The following CD96 variants were observed in gnomAD, a reference collection of about 807,000 sequenced individuals.
CD96 encodes the protein T-cell surface protein tactile.
In CD96, 70 loss-of-function variants were observed where a neutral mutation model predicts 71.3. That is an observed-to-expected ratio of 0.98 (90% CI 0.81 to 1.20). The LOEUF (loss-of-function observed/expected upper bound fraction) is 1.20, where lower values mean the gene tolerates loss of function less well. Among genes scored for constraint, CD96 ranks in the 50% most tolerant of loss-of-function variants. The pLI is 0.00. For synonymous variants in CD96, 248 were observed against 233.0 expected, an observed-to-expected ratio of 1.06 and a Z score of -0.59; for missense variants, 742 against 677.5, an observed-to-expected ratio of 1.10 and a Z score of -1.06.
chr3:111,629,550 C>T (rs1048247149), intron 10 of CD96, among the ~76,000 whole-genome samples: 1 of 152,170 alleles, frequency 6.6e-6, no homozygotes, highest in Non-Finnish European at 1.5e-5. Context: ...GACTTAGACT[C>T]TCATGCAATA....
At chr3:111,625,889 G>T (rs1938725516) in intron 10 of CD96, among the ~76,000 whole-genome samples, 1 of 152,088 alleles carries the variant, frequency 6.6e-6, no homozygotes, top group South Asian at 2.1e-4. Context: ...ATTGACTAAG[G>T]ATCAAAATTT....
chr3:111,601,238 C>T (rs1162827340), intron 7 of CD96, among the ~76,000 whole-genome samples: 40 of 152,096 alleles, frequency 2.6e-4, no homozygotes, highest in Admixed American at 2.6e-3. Context: ...AAAATTAATA[C>T]TAATACTGAT....
chr3:111,637,262 G>T lies in CD96; in HGVS notation c.1387+1G>T. 1 of 1,529,258 alleles carries T rather than the reference G, an allele frequency of 6.5e-7. No individual in the cohort carries two copies. The highest frequency in any genetic ancestry group is 1.1e-5 in the South Asian group (1 of 89,372). The allele number at this position is 1,529,258 out of a possible 1,614,324, so 94.7% of individuals were successfully genotyped here. A position where few individuals can be genotyped will look rare whatever the true frequency, so the allele number is the denominator to read the frequency against. On this transcript the variant is annotated splice_donor_variant, in intron 11 of 13. Coordinates refer to ENST00000352690, the MANE Select transcript of CD96 (RefSeq NM_005816.5). LOFTEE classifies it high-confidence loss of function. Reference sequence around the variant, plus strand: ...TCAGGTGCAGGCTCAACACTTCATGGTGAGTACTTGGGGAAGATTTAGGGA... The same window carrying T: ...TCAGGTGCAGGCTCAACACTTCATGTTGAGTACTTGGGGAAGATTTAGGGA...
chr3:111,655,785 G>A (rs1940213883), downstream of CD96, among the ~76,000 whole-genome samples: 1 of 151,844 alleles, frequency 6.6e-6, no homozygotes, highest in African/African-American at 2.4e-5. Flanking sequence ...GAGAAAAAGG[G>A]ATATTTTCTT....
intron 3 of CD96, among the ~76,000 whole-genome samples, 199 bp from the exon 4 acceptor site, chr3:111,578,828 G>C (rs1176641336): frequency 6.6e-6 from 1 of 152,218 alleles, no homozygotes; most frequent in African/African-American, 2.4e-5. Context: ...CCATTTGTTA[G>C]GAGAGGGTAA....
intron 12 of CD96, among the ~76,000 whole-genome samples, chr3:111,643,950 T>A (rs1034144677): frequency 3.9e-5 from 6 of 152,288 alleles, no homozygotes; most frequent in Admixed American, 6.5e-5. Flanking sequence ...CCCATCAGAA[T>A]ACCACCATCA....
At chr3:111,613,481 T>C (rs1421926180) in intron 8 of CD96, among the ~76,000 whole-genome samples, 2 of 152,242 alleles carry the variant, frequency 1.3e-5, no homozygotes, top group Admixed American at 6.5e-5. Context: ...TATGCTGGGC[T>C]GAAGGTCAGT....
chr3:111,576,721 A>G (rs1441158200), intron 3 of CD96, among the ~76,000 whole-genome samples: 6 of 152,208 alleles, frequency 3.9e-5, no homozygotes, highest in Non-Finnish European at 8.8e-5. Context: ...AATTCTTAGA[A>G]TATAGTAGGT....
intron 3 of CD96, among the ~76,000 whole-genome samples, chr3:111,576,531 T>C (rs1559730797): frequency 6.6e-6 from 1 of 152,338 alleles, no homozygotes; most frequent in Middle Eastern, 3.4e-3. Flanking sequence ...TATTTTATAG[T>C]TTGGTTCTTA....
chr3:111,555,180 C>G (rs1434029051), intron 2 of CD96, among the ~76,000 whole-genome samples: 1 of 93,096 alleles, frequency 1.1e-5, no homozygotes, highest in East Asian at 2.6e-4. Context: ...CTAAGAACCC[C>G]TGATTTAAAG....
chr3:111,619,421 C>T (rs1938408633), intron 8 of CD96, among the ~76,000 whole-genome samples: 1 of 152,128 alleles, frequency 6.6e-6, no homozygotes, highest in South Asian at 2.1e-4. Flanking sequence ...CATCTTATTT[C>T]CTGGAGACAT....
chr3:111,606,301 A>G (rs987036148), intron 7 of CD96, among the ~76,000 whole-genome samples: 11 of 152,230 alleles, frequency 7.2e-5, no homozygotes, highest in African/African-American at 2.7e-4. Flanking sequence ...TGGATTTTGT[A>G]AACTGCATGA....
chr3:111,555,676 C>A (rs2399392), intron 2 of CD96, among the ~76,000 whole-genome samples: 1 of 152,222 alleles, frequency 6.6e-6, no homozygotes, highest in Non-Finnish European at 1.5e-5. Flanking sequence ...TTTTGGCTTC[C>A]AGAAGTTTGA....
At chr3:111,594,104 TCTC>T (rs757923931) in intron 5 of CD96, 85 of 1,614,036 alleles carry the variant, frequency 5.3e-5, no homozygotes, top group Non-Finnish European at 6.4e-5. Flanking sequence ...GCCAACCAGT[TCTC>T]CTGTCTCACT....
intron 3 of CD96, chr3:111,570,594 G>T (rs1258116709): frequency 6.5e-7 from 1 of 1,528,118 alleles, no homozygotes; most frequent in African/African-American, 1.4e-5. Flanking sequence ...GAAAGCTAAG[G>T]GATCAACAGG....
chr3:111,638,144 A>C lies in CD96; in HGVS notation c.1453A>C (p.Lys485Gln), dbSNP rs746266778. ...CCCCACAACTGCCAATGGATCTACG[A>C]AAACTAATCACGTCCATATCACTGG... ...EVPTTANGST[K>Q]TNHVHITGIV... The change falls in exon 12 of 14, where the codon AAA (lysine) becomes CAA (glutamine). Residue 485 changes from lysine to glutamine, a missense_variant. Physicochemically the swap from Lys to Gln is moderately conservative, Grantham distance 53 (BLOSUM62 1). Coordinates refer to ENST00000352690, the MANE Select transcript of CD96 (RefSeq NM_005816.5). 5.0e-6 allele frequency: 8 copies of C among 1,605,628 alleles called. 1 individual carries two copies. The South Asian group carries it at 8.8e-5, about 18-fold the overall frequency.
chr3:111,563,565 A>G (rs1442295365), intron 2 of CD96, among the ~76,000 whole-genome samples: 1 of 152,122 alleles, frequency 6.6e-6, no homozygotes, highest in Non-Finnish European at 1.5e-5. Context: ...CCTTTAGTCA[A>G]TTTCCACGGC....
At chr3:111,555,689 A>G (rs1934969753) in intron 2 of CD96, among the ~76,000 whole-genome samples, 1 of 152,286 alleles carries the variant, frequency 6.6e-6, no homozygotes, top group Non-Finnish European at 1.5e-5. Context: ...AAGTTTGATT[A>G]TGATGTGTCT....
At chr3:111,643,203 AC>A (rs1939676268) in intron 12 of CD96, among the ~76,000 whole-genome samples, 1 of 152,144 alleles carries the variant, frequency 6.6e-6, no homozygotes, top group African/African-American at 2.4e-5. Context: ...AATGTGATAC[AC>A]CACATAAACA....
Sources: gnomAD v4.1 joint callset for allele counts (sites outside exome capture counted in the v4.1 genomes callset) on GRCh38, gnomAD v4.1.1 for gene constraint, MANE v1.5 for transcripts, NCBI Gene and HGNC (gene_info 2026-07-23, HGNC 2026-07-21) for gene names.